The following MRPL45 variants were observed in gnomAD, a reference collection of about 807,000 sequenced individuals.
MRPL45 encodes large ribosomal subunit protein mL45.
A neutral mutation model predicts 38.1 loss-of-function variants in MRPL45; 20 were observed. That is an observed-to-expected ratio of 0.53 (90% CI 0.37 to 0.76). MRPL45 has a LOEUF of 0.76. Ranked by LOEUF, MRPL45 falls within the 30% of genes least tolerant of loss-of-function variation. MRPL45 has a pLI of 0.00. For synonymous variants in MRPL45, 105 were observed against 128.8 expected (o/e 0.82, Z 1.25); for missense variants, 337 against 395.6 (o/e 0.85, Z 1.26).
chr17:38,318,163 G>A (rs868156550), intron 4 of MRPL45, among the ~76,000 whole-genome samples: 6 of 141,952 alleles, frequency 4.2e-5, no homozygotes, highest in Middle Eastern at 4.1e-3. Context: ...AGCCGAGATC[G>A]CGCCACTGCA....
chr17:38,303,298 T>TG (rs2144206704), intron 3 of MRPL45, among the ~76,000 whole-genome samples: 1 of 144,972 alleles, frequency 6.9e-6, no homozygotes, highest in Non-Finnish European at 1.5e-5. Flanking sequence ...AAATTTTTTT[T>TG]TTTTTTTTTT....
chr17:38,312,688 T>C (rs753929824), intron 4 of MRPL45, among the ~76,000 whole-genome samples: 1 of 152,010 alleles, frequency 6.6e-6, no homozygotes, highest in Non-Finnish European at 1.5e-5. Context: ...ATAAAAAATT[T>C]AAAAAATCAT....
In MRPL45 at chr17:38,322,239, C is replaced by T. The variant is rs1489778508; in HGVS notation, c.774C>T (p.Ser258=). The change falls in exon 7 of 8, where the codon AGC becomes AGT. Residue 258 remains serine, a synonymous_variant. Coordinates refer to ENST00000613675, the MANE Select transcript of MRPL45 (RefSeq NM_032351.6). ...AGCAGTTGACAAACCCCTATGGAAG[C>T]TGGAGAATGCATACCAAGATCGTTC... The part of the protein sequence containing the change: ...FEKQLTNPYG[S]WRMHTKIVPP... 1.9e-6 allele frequency: 3 copies of T among 1,614,080 alleles called. No individual in the cohort carries two copies. In the African/African-American group the frequency reaches 4.0e-5, roughly 22 times the overall value.
Position 38,323,039 on chromosome 17 carries a change from G to C in MRPL45, c.*444G>C, listed in dbSNP as rs2144245424. The C allele has an allele frequency of 6.3e-6, 1 of 159,626 alleles. No homozygotes were observed. Among genetic ancestry groups the C allele is most frequent in the South Asian group, 1.7e-4 (1 of 5,722 alleles). 9.9% of individuals were successfully genotyped at this position (159,626 alleles called of 1,614,324 possible). Reference sequence around the variant, plus strand: ...CTGGGCATGGACCAGCCTTCAGATGGCAGAAGTGGAAGATGAGCCTACTTG... The same window carrying C: ...CTGGGCATGGACCAGCCTTCAGATGCCAGAAGTGGAAGATGAGCCTACTTG... On this transcript the variant is annotated 3_prime_UTR_variant, in exon 8 of 8. Coordinates refer to ENST00000613675, the MANE Select transcript of MRPL45 (RefSeq NM_032351.6).
intron 5 of MRPL45, among the ~76,000 whole-genome samples, chr17:38,318,994 ATTTTTTATTTAT>A (rs1274751681): frequency 1.1e-3 from 151 of 140,138 alleles, no homozygotes; most frequent in African/African-American, 3.7e-3. Context: ...TGCCCAGCTA[ATTTTTTATTTAT>A]TTATTTATTT....
chr17:38,318,969 A>G (rs1457097920), intron 5 of MRPL45, among the ~76,000 whole-genome samples: 1 of 150,652 alleles, frequency 6.6e-6, no homozygotes, highest in Non-Finnish European at 1.5e-5. Context: ...CTGGGATTAC[A>G]GGCATGCGCC....
intron 3 of MRPL45, among the ~76,000 whole-genome samples, chr17:38,303,081 CTTAAA>C (rs2037015006): frequency 6.6e-6 from 1 of 151,774 alleles, no homozygotes; most frequent in Non-Finnish European, 1.5e-5. Flanking sequence ...CTTTAACACA[CTTAAA>C]TTAATACTTT....
intron 4 of MRPL45, among the ~76,000 whole-genome samples, chr17:38,311,768 A>G (rs999970003): frequency 4.6e-5 from 7 of 151,370 alleles, no homozygotes; most frequent in African/African-American, 1.5e-4. Flanking sequence ...GTCAACATCT[A>G]TGAGGAACGG....
Position 38,320,736 on chromosome 17 carries a change from G to C in MRPL45, c.629G>C (p.Gly210Ala), listed in dbSNP as rs999392757. 1.1e-5 allele frequency: 18 copies of C among 1,614,072 alleles called. No individual in the cohort carries two copies. The highest frequency in any genetic ancestry group is 1.4e-5 in the Non-Finnish European group (17 of 1,180,020). Residue 210 changes from glycine to alanine, a missense_variant, in exon 6 of 8, where the codon GGC (glycine) becomes GCC (alanine). This residue lies in a region of MRPL45 where 251 missense variants were observed against 269.1 expected (regional missense o/e 0.93). Coordinates refer to ENST00000613675, the MANE Select transcript of MRPL45 (RefSeq NM_032351.6). ...ATGATGAACCAGGGCAACGTGTACG[G>C]CCAGATCACCGTACGCATGCACACC... ...SSMMNQGNVY[G>A]QITVRMHTRQ...
chr17:38,303,027 G>T (rs1193203616), intron 3 of MRPL45, among the ~76,000 whole-genome samples: 2 of 151,142 alleles, frequency 1.3e-5, no homozygotes, highest in African/African-American at 4.9e-5. Context: ...CTTATTAATT[G>T]ATTTTCAAAT....
intron 4 of MRPL45, among the ~76,000 whole-genome samples, chr17:38,311,480 G>A (rs2144222145): frequency 6.6e-6 from 1 of 152,218 alleles, no homozygotes; most frequent in East Asian, 1.9e-4. Context: ...GAGGTCAAGA[G>A]ATCGAGACCA....
rs1284475351 is a variant in MRPL45 at position 38,322,233 on chromosome 17, T to C, written c.768T>C (p.Tyr256=). Residue 256 remains tyrosine, a synonymous_variant, in exon 7 of 8, where the codon TAT becomes TAC. Transcript: ENST00000613675. ...TCGAAAAGCAGTTGACAAACCCCTA[T>C]GGAAGCTGGAGAATGCATACCAAGA... ...VVFEKQLTNP[Y]GSWRMHTKIV... 6.2e-7 allele frequency: 1 copy of C among 1,614,086 alleles called. No homozygotes were observed. The highest frequency in any genetic ancestry group is 1.3e-5 in the African/African-American group (1 of 75,000).
intron 2 of MRPL45, 142 bp from the exon 3 acceptor site, chr17:38,299,209 T>A: frequency 1.5e-6 from 1 of 646,354 alleles, no homozygotes; most frequent in Non-Finnish European, 2.6e-6. Context: ...TTTTCTAGTG[T>A]AACATAGTTC....
chr17:38,320,581 GA>G, intron 5 of MRPL45, 36 bp from the exon 6 acceptor site: 1 of 1,606,428 alleles, frequency 6.2e-7, no homozygotes. Context: ...TAAAGGGAGG[GA>G]AAAATGCAGT....
chr17:38,310,968 A>T (rs2037106137), intron 4 of MRPL45, among the ~76,000 whole-genome samples: 1 of 152,088 alleles, frequency 6.6e-6, no homozygotes. Context: ...ACAATCATTT[A>T]TTTTAAAAAT....
At chr17:38,299,251 C>T in intron 2 of MRPL45, 100 bp from the exon 3 acceptor site, 4 of 745,968 alleles carry the variant, frequency 5.4e-6, no homozygotes, top group East Asian at 3.1e-5. Context: ...CATTAGTCTA[C>T]TTCATATCCA....
At chr17:38,297,656 G>T (rs116078688) in intron 1 of MRPL45, among the ~76,000 whole-genome samples, 3 of 152,148 alleles carry the variant, frequency 2.0e-5, no homozygotes, top group Non-Finnish European at 4.4e-5. Context: ...AGAGAGAAAA[G>T]ATCTCCTGAT....
At chr17:38,317,006 C>T (rs578182880) in intron 4 of MRPL45, among the ~76,000 whole-genome samples, 1 of 152,020 alleles carries the variant, frequency 6.6e-6, no homozygotes, top group Non-Finnish European at 1.5e-5. Flanking sequence ...CCATGTTGGC[C>T]AGGATGGTCT....
At chr17:38,311,712 G>C (rs1003678834) in intron 4 of MRPL45, among the ~76,000 whole-genome samples, 1 of 147,674 alleles carries the variant, frequency 6.8e-6, no homozygotes, top group African/African-American at 2.5e-5. Flanking sequence ...AAAGAGACCT[G>C]AGGGAGCTTG....
Sources: allele counts gnomAD v4.1 joint callset (sites outside exome capture counted in the v4.1 genomes callset), GRCh38; gene constraint gnomAD v4.1.1; regional missense constraint gnomAD v4.1.1; transcripts MANE v1.5; gene names NCBI Gene and HGNC (gene_info 2026-07-23, HGNC 2026-07-21).